SLFN11: variants seen among roughly 807,000 people sequenced by gnomAD.
The protein encoded by SLFN11 is schlafen family member 11.
In SLFN11, 43 loss-of-function variants were observed where a neutral mutation model predicts 53.4. The observed-to-expected ratio is 0.80, with a 90% CI of 0.63 to 1.04. The LOEUF (loss-of-function observed/expected upper bound fraction) is 1.04. SLFN11 is among the 50% of genes least tolerant of loss of function. SLFN11 has a pLI of 0.00. For missense variants in SLFN11, 990 were observed against 1,079.1 expected, an observed-to-expected ratio of 0.92 and a Z score of 1.16; for synonymous variants, 389 against 394.7, an observed-to-expected ratio of 0.99 and a Z score of 0.17.
chr17:35,357,701 A>G (rs1264934782), intron 5 of SLFN11, among the ~76,000 whole-genome samples: 3 of 145,824 alleles, frequency 2.1e-5, no homozygotes, highest in Non-Finnish European at 4.5e-5. Flanking sequence ...TTTATTATTT[A>G]TATATATAAT....
At chr17:35,371,701 A>G (rs1208204544) in intron 1 of SLFN11, among the ~76,000 whole-genome samples, 1 of 152,134 alleles carries the variant, frequency 6.6e-6, no homozygotes, top group Non-Finnish European at 1.5e-5. Flanking sequence ...GACAAATGGC[A>G]AATAGGCATG....
At chr17:35,370,545 G>A (rs748192069) in intron 1 of SLFN11, among the ~76,000 whole-genome samples, 4 of 152,052 alleles carry the variant, frequency 2.6e-5, no homozygotes, top group Non-Finnish European at 5.9e-5. Flanking sequence ...GTCCTTGTTT[G>A]CAGGTGATAT....
chr17:35,360,109 A>C, intron 5 of SLFN11, 134 bp downstream of exon 5: 1 of 903,434 alleles, frequency 1.1e-6, no homozygotes, highest in East Asian at 2.6e-5. Context: ...CACCAATAGG[A>C]TTGTAACATC....
chr17:35,354,112 A>C (rs1907159436), intron 5 of SLFN11, 53 bp from the exon 6 acceptor site: 3 of 1,454,984 alleles, frequency 2.1e-6, no homozygotes, highest in Non-Finnish European at 1.8e-6. Context: ...CCTATTGATT[A>C]AGATGACTAA....
chr17:35,360,667 C>T (rs1277606690), intron 4 of SLFN11, among the ~76,000 whole-genome samples: 2 of 152,088 alleles, frequency 1.3e-5, no homozygotes, highest in Non-Finnish European at 2.9e-5. Context: ...CGTTACCTAG[C>T]TCATTCTTTT....
At chr17:35,354,436 C>A (rs1907214120) in intron 5 of SLFN11, among the ~76,000 whole-genome samples, 1 of 152,166 alleles carries the variant, frequency 6.6e-6, no homozygotes. Context: ...TTTCTACTTT[C>A]AAAGTACCTG....
chr17:35,356,566 A>T (rs1907495641), intron 5 of SLFN11, among the ~76,000 whole-genome samples: 2 of 152,068 alleles, frequency 1.3e-5, no homozygotes, highest in Admixed American at 1.3e-4. Context: ...CCATTCAGCA[A>T]CTACTTTTTT....
At position 35,351,681 on chromosome 17, in the gene SLFN11, C is replaced by T. The variant is rs1458231260; in HGVS notation, c.*675G>A. Reference sequence around the variant, plus strand: ...TTCATTTCATCTTGGCCTATAATTTCTCCTTAAAGTGACCATTAATATTCA... The same window carrying T: ...TTCATTTCATCTTGGCCTATAATTTTTCCTTAAAGTGACCATTAATATTCA... On this transcript the variant is annotated 3_prime_UTR_variant, in exon 7 of 7. Transcript: ENST00000685675. 4 of 152,184 alleles carry T rather than the reference C, an allele frequency of 2.6e-5. No individual in the cohort carries two copies. The highest frequency in any genetic ancestry group is 4.4e-5 in the Non-Finnish European group (3 of 68,038). The allele number at this position is 152,184 out of a possible 1,614,324, so 9.4% of individuals were successfully genotyped here.
intron 5 of SLFN11, among the ~76,000 whole-genome samples, chr17:35,355,491 A>ATCG (rs1273172593): frequency 1.3e-5 from 2 of 152,116 alleles, no homozygotes. Context: ...TCTCTTGGAC[A>ATCG]TCGGATCCTC....
At chr17:35,371,029 A>G (rs564462712) in intron 1 of SLFN11, among the ~76,000 whole-genome samples, 44 of 152,292 alleles carry the variant, frequency 2.9e-4, no homozygotes, top group Middle Eastern at 3.4e-3. Context: ...GGAAGCAAAA[A>G]GAACAAAACT....
chr17:35,352,605 C>A lies in SLFN11; in HGVS notation c.2457G>T (p.Val819=). The A allele has an allele frequency of 6.2e-7, 1 of 1,614,200 alleles. No homozygotes were observed. Among genetic ancestry groups the A allele is most frequent in the Non-Finnish European group, 8.5e-7 (1 of 1,180,036 alleles). Residue 819 remains valine (V), a synonymous_variant, in exon 7 of 7, where the codon GTG becomes GTT. Coordinates refer to ENST00000685675, the MANE Select transcript of SLFN11 (RefSeq NM_001376007.1). ...TCAAGAGCTCATACTTATAGTGCTC[C>A]ACTTCTTTTGCGGTGCTGACAAGCA... ...VAVLVSTAKE[V]EHYKYELLKA...
chr17:35,354,204 T>C, intron 5 of SLFN11, 145 bp from the exon 6 acceptor site: 2 of 636,020 alleles, frequency 3.1e-6, no homozygotes, highest in Non-Finnish European at 4.4e-6. Flanking sequence ...ATATTATAGT[T>C]ATAAAGGAAA....
intron 5 of SLFN11, among the ~76,000 whole-genome samples, chr17:35,359,739 C>T (rs1907965589): frequency 6.6e-6 from 1 of 152,108 alleles, no homozygotes; most frequent in African/African-American, 2.4e-5. Context: ...CTCTTATTTA[C>T]AACCACCACT....
chr17:35,350,719 A>G lies in SLFN11; in HGVS notation c.*1637T>C, dbSNP rs146804571. On this transcript the variant is annotated 3_prime_UTR_variant, in exon 7 of 7. Coordinates refer to ENST00000685675, the MANE Select transcript of SLFN11 (RefSeq NM_001376007.1). ...TCTGTCAGATTTTGCTTAAGTTAGG[A>G]GAGCCTGCAATTTCAAGCCCAGATA... The G allele has an allele frequency of 4.6e-5, 7 of 152,342 alleles. No individual in the cohort carries two copies. In the East Asian group the frequency reaches 7.7e-4, roughly 17 times the overall value. 9.4% of individuals were successfully genotyped at this position (152,342 alleles called of 1,614,324 possible). A position where few individuals can be genotyped will look rare whatever the true frequency, so the allele number is the denominator to read the frequency against.
At chr17:35,366,425 A>C (rs1387810221) in intron 3 of SLFN11, among the ~76,000 whole-genome samples, 1 of 152,172 alleles carries the variant, frequency 6.6e-6, no homozygotes, top group Non-Finnish European at 1.5e-5. Context: ...TACAATCAAC[A>C]AATACTTTGC....
In SLFN11 at chr17:35,352,868, G is replaced by C. The variant is rs200734680; in HGVS notation, c.2194C>G (p.Arg732Gly). 1 of 1,614,024 alleles carries C rather than the reference G, an allele frequency of 6.2e-7. No homozygotes were observed. The highest frequency in any genetic ancestry group is 8.5e-7 in the Non-Finnish European group (1 of 1,180,040). Reference sequence around the variant, plus strand: ...TACTTGGCTATTGGATCTGCATTGCGAACTATTCTGGTGAGCTCTTCTCTT... The same window carrying C: ...TACTTGGCTATTGGATCTGCATTGCCAACTATTCTGGTGAGCTCTTCTCTT... ...YPREELTRIV[R>G]NADPIAKYLQ... The change falls in exon 7 of 7, where the codon CGC becomes GGC. Residue 732 changes from arginine (R) to glycine (G), a missense_variant. Arg to Gly is a moderately radical substitution (Grantham distance 125). Coordinates refer to ENST00000685675, the MANE Select transcript of SLFN11 (RefSeq NM_001376007.1).
rs754914932 is a variant in SLFN11, at chr17:35,363,317, CCTT to C, written c.488_490del (p.Glu163del). On this transcript the variant is annotated inframe_deletion, in exon 4 of 7. Transcript: ENST00000685675. ...ACCCTTGTGAATTTTGTGAAAAGGT[CCTT>C]CTTCCAAGATTTTTGGCTTCCTTTT... 9 of 1,613,852 alleles carry C rather than the reference CCTT, an allele frequency of 5.6e-6. No homozygotes were observed. The African/African-American group carries it at 1.2e-4, about 22-fold the overall frequency.
chr17:35,352,634 C>T lies in SLFN11; in HGVS notation c.2428G>A (p.Ala810Thr). The T allele has an allele frequency of 6.2e-7, 1 of 1,614,184 alleles. No homozygotes were observed. The highest frequency in any genetic ancestry group is 8.5e-7 in the Non-Finnish European group (1 of 1,180,016). ...FDRGYSPKDVAVLVSTAKEVE... is the reference protein window; with the variant it reads ...FDRGYSPKDVTVLVSTAKEVE... ...TCTTTTGCGGTGCTGACAAGCACAG[C>T]AACATCCTTTGGAGAATAGCCCCTA... Residue 810 changes from alanine to threonine, a missense_variant, in exon 7 of 7, where the codon GCT (alanine) becomes ACT (threonine). By Grantham distance (58) the Ala-to-Thr change is moderately conservative (BLOSUM62 0). Around this residue, in one of 3 missense-constraint regions of SLFN11, gnomAD observed 313 missense variants for 320.9 expected, o/e 0.98. Transcript: ENST00000685675.
rs944223723 is a variant in SLFN11, at chr17:35,352,784, AC to A, written c.2277del (p.Cys760AlafsTer24). 3 of 1,614,200 alleles carry A rather than the reference AC, an allele frequency of 1.9e-6. No individual in the cohort carries two copies. In the African/African-American group the frequency reaches 4.0e-5, roughly 22 times the overall value. ...RSNPSFNIPTGCLEVFPEAEW... is the reference protein window; with the variant it reads ...RSNPSFNIPTXCLEVFPEAEW... ...TCGGCTTCAGGAAATACCTCGAGGC[AC>A]CCAGTGGGGATGTTAAATGAAGGAT... On this transcript the variant is annotated frameshift_variant, in exon 7 of 7. Coordinates refer to ENST00000685675, the MANE Select transcript of SLFN11 (RefSeq NM_001376007.1). LOFTEE classifies it low-confidence loss of function (END_TRUNC).
Sources: allele counts gnomAD v4.1 joint callset (sites outside exome capture counted in the v4.1 genomes callset), GRCh38; gene constraint gnomAD v4.1.1; regional missense constraint gnomAD v4.1.1; transcripts MANE v1.5; gene names NCBI Gene and HGNC (gene_info 2026-07-23, HGNC 2026-07-21).